The following SPHKAP variants were observed in gnomAD, a reference collection of about 807,000 sequenced individuals.
SPHKAP encodes the protein A-kinase anchor protein SPHKAP.
In SPHKAP, 67 loss-of-function variants were observed where a neutral mutation model predicts 137.5. That is an observed-to-expected ratio of 0.49 (90% CI 0.40 to 0.60). The LOEUF (loss-of-function observed/expected upper bound fraction) is 0.60, where lower values mean the gene tolerates loss of function less well. Among genes scored for constraint, SPHKAP ranks in the 20% least tolerant of loss-of-function variants. SPHKAP has a pLI of 0.00. For missense variants in SPHKAP, 2,097 were observed against 2,069.3 expected (o/e 1.01, Z -0.26); for synonymous variants, 813 against 785.3 (o/e 1.04, Z -0.59).
chr2:228,036,980 A>G (rs928150479), intron 3 of SPHKAP, among the ~76,000 whole-genome samples: 2 of 152,100 alleles, frequency 1.3e-5, no homozygotes, highest in Non-Finnish European at 1.5e-5. Flanking sequence ...ACCTGTATAC[A>G]TATGTAACAA....
intron 3 of SPHKAP, among the ~76,000 whole-genome samples, chr2:228,088,942 C>T (rs1697627694): frequency 6.6e-6 from 1 of 152,140 alleles, no homozygotes; most frequent in Non-Finnish European, 1.5e-5. Flanking sequence ...TTTATGGCAA[C>T]ACAAATGGAC....
intron 3 of SPHKAP, among the ~76,000 whole-genome samples, chr2:228,040,415 T>C (rs1406524144): frequency 2.0e-5 from 3 of 152,216 alleles, no homozygotes; most frequent in Admixed American, 2.0e-4. Flanking sequence ...AATTTTTTCA[T>C]CAACGGTGTT....
intron 7 of SPHKAP, among the ~76,000 whole-genome samples, chr2:227,997,283 T>A (rs560107013): frequency 2.6e-5 from 4 of 152,292 alleles, no homozygotes; most frequent in African/African-American, 7.2e-5. Context: ...ATTTCTTGCC[T>A]CCCAGCCTTT....
intron 8 of SPHKAP, 130 bp downstream of exon 8, chr2:227,995,379 T>A: frequency 9.2e-7 from 1 of 1,085,062 alleles, no homozygotes; most frequent in South Asian, 1.4e-5. Context: ...CTCGACATAG[T>A]GGGAACTTTC....
chr2:228,022,103 TTATATTAA>T (rs1694863794), intron 5 of SPHKAP, 137 bp from the exon 6 acceptor site: 1 of 1,332,094 alleles, frequency 7.5e-7, no homozygotes, highest in Non-Finnish European at 9.6e-7. Flanking sequence ...TCTTCTGGAA[TTATATTAA>T]TAAACTGCTT....
chr2:228,022,331 G>A, intron 5 of SPHKAP: 1 of 251,066 alleles, frequency 4.0e-6, no homozygotes. Flanking sequence ...CAACTCCACT[G>A]AAACAAAAGG....
intron 5 of SPHKAP, 85 bp from the exon 6 acceptor site, chr2:228,022,051 C>G: frequency 2.7e-6 from 4 of 1,454,916 alleles, no homozygotes; most frequent in Non-Finnish European, 3.6e-6. Context: ...CCACCAAGCT[C>G]TCCTGTTAAT....
Position 227,996,671 on chromosome 2 carries a change from G to A in SPHKAP, c.4449-977C>T, listed in dbSNP as rs758314509. Among the ~76,000 whole-genome samples the A allele has an allele frequency of 4.6e-5, 7 of 152,160 alleles. No homozygotes were observed. In the South Asian group the frequency reaches 1.0e-3, roughly 23 times the overall value. ...ATCTCAAAATCAATACATCTAAAAC[G>A]AATTCTAATTGCCTTCCCACCCTCT... On this transcript the variant is annotated intron_variant, in intron 7 of 11. Coordinates refer to ENST00000392056, the MANE Select transcript of SPHKAP (RefSeq NM_001142644.2).
intron 2 of SPHKAP, among the ~76,000 whole-genome samples, chr2:228,115,873 A>C (rs769790593): frequency 5.3e-5 from 8 of 152,290 alleles, no homozygotes; most frequent in Non-Finnish European, 1.0e-4. Flanking sequence ...ATGTGTTAGC[A>C]TTAAGAGGTA....
intron 7 of SPHKAP, among the ~76,000 whole-genome samples, chr2:228,014,422 TA>T (rs1694489780): frequency 6.6e-6 from 1 of 152,248 alleles, no homozygotes; most frequent in Non-Finnish European, 1.5e-5. Flanking sequence ...AATGCTTTGA[TA>T]AATATTGTCT....
At chr2:228,041,280 C>T (rs530705251) in intron 3 of SPHKAP, among the ~76,000 whole-genome samples, 8 of 151,918 alleles carry the variant, frequency 5.3e-5, no homozygotes, top group Admixed American at 4.6e-4. Context: ...ATTTTTTTCT[C>T]GGGGCTAAAC....
intron 3 of SPHKAP, among the ~76,000 whole-genome samples, chr2:228,086,717 G>T (rs928680741): frequency 2.0e-5 from 3 of 152,056 alleles, no homozygotes; most frequent in Non-Finnish European, 4.4e-5. Context: ...TGCCCAGGAG[G>T]AAAGATAGTC....
Position 228,018,110 on chromosome 2 carries a change from G to A in SPHKAP, c.2744C>T (p.Thr915Met), listed in dbSNP as rs373462091. 66 of 1,614,152 alleles carry A rather than the reference G, an allele frequency of 4.1e-5. No individual in the cohort carries two copies. Among genetic ancestry groups the A allele is most frequent in the Admixed American group, 2.7e-4 (16 of 60,008 alleles). Residue 915 changes from threonine (T) to methionine (M), a missense_variant, in exon 7 of 12, where the codon ACG (threonine) becomes ATG (methionine). Transcript: ENST00000392056. ...GATGTCTGGATGCTTTGTTTGAAGCGTGGATTGAGCAGGAAGCAGCAGGTC... is the reference window on the plus strand; with the variant it reads ...GATGTCTGGATGCTTTGTTTGAAGCATGGATTGAGCAGGAAGCAGCAGGTC... ...GDDLLLPAQS[T>M]LQTKHPDIYC...
chr2:228,030,149 A>C (rs929555732), intron 3 of SPHKAP, among the ~76,000 whole-genome samples: 4 of 152,210 alleles, frequency 2.6e-5, no homozygotes, highest in African/African-American at 9.6e-5. Flanking sequence ...ATCTTGCAAT[A>C]TCTTCATAGT....
chr2:228,121,613 C>T (rs576262864), intron 2 of SPHKAP, among the ~76,000 whole-genome samples: 56 of 152,312 alleles, frequency 3.7e-4, no homozygotes, highest in African/African-American at 1.3e-3. Context: ...AAGATGCATG[C>T]AGATGGGCAC....
At chr2:228,000,557 G>T (rs1352926203) in intron 7 of SPHKAP, among the ~76,000 whole-genome samples, 3 of 151,954 alleles carry the variant, frequency 2.0e-5, no homozygotes, top group Non-Finnish European at 4.4e-5. Context: ...GGTGGAGGTT[G>T]CAGTGAGCCA....
At chr2:227,995,800 AC>A (rs772170497) in intron 7 of SPHKAP, 106 bp from the exon 8 acceptor site, 63 of 1,351,160 alleles carry the variant, frequency 4.7e-5, no homozygotes, top group Admixed American at 4.2e-4. Flanking sequence ...ATGTCACTGG[AC>A]ACAGGCAGAG....
At chr2:228,135,209 G>A (rs1340874149) in intron 1 of SPHKAP, among the ~76,000 whole-genome samples, 1 of 148,784 alleles carries the variant, frequency 6.7e-6, no homozygotes, top group African/African-American at 2.5e-5. Flanking sequence ...AGGAGGCAGA[G>A]GTTGTGGTGG....
chr2:228,084,912 A>T (rs1697491373), intron 3 of SPHKAP, among the ~76,000 whole-genome samples: 1 of 152,226 alleles, frequency 6.6e-6, no homozygotes, highest in Admixed American at 6.5e-5. Context: ...TGTGGCATTG[A>T]TTGATGAATT....
Sources: allele counts gnomAD v4.1 joint callset (sites outside exome capture counted in the v4.1 genomes callset), GRCh38; gene constraint gnomAD v4.1.1; transcripts MANE v1.5; gene names NCBI Gene and HGNC (gene_info 2026-07-23, HGNC 2026-07-21).